Variants in ACSM2A observed in about 807,000 individuals in gnomAD.
ACSM2A encodes the protein acyl-coenzyme A synthetase ACSM2A, mitochondrial.
Under a neutral mutation model 76.6 loss-of-function variants are expected in ACSM2A, and 72 were observed. The ratio of observed to expected loss-of-function variants is 0.94; its 90% CI spans 0.78 to 1.14. The LOEUF (loss-of-function observed/expected upper bound fraction) is 1.14. Among genes scored for constraint, ACSM2A ranks in the 50% most tolerant of loss-of-function variants. ACSM2A has a pLI of 0.00. For synonymous variants in ACSM2A, 249 were observed against 255.9 expected, an observed-to-expected ratio of 0.97 and a Z score of 0.26; for missense variants, 684 against 708.5, an observed-to-expected ratio of 0.97 and a Z score of 0.39.
intron 2 of ACSM2A, among the ~76,000 whole-genome samples, 174 bp downstream of exon 2, chr16:20,460,465 G>A (rs1467882925): frequency 6.6e-6 from 1 of 152,208 alleles, no homozygotes; most frequent in Non-Finnish European, 1.5e-5. Flanking sequence ...GAGACAGCAT[G>A]AGCTTGGAAG....
In ACSM2A at chr16:20,469,607, G is replaced by T. The variant is rs767590474; in HGVS notation, c.484G>T (p.Glu162Ter). 1 of 1,613,952 alleles carries T rather than the reference G, an allele frequency of 6.2e-7. No individual in the cohort carries two copies. The highest frequency in any genetic ancestry group is 8.5e-7 in the Non-Finnish European group (1 of 1,179,852). Reference sequence around the variant, plus strand: ...GGCCAAGGCTATTGTTGCTGGGGATGAAGTCATCCAAGAAGTGGACACAGT... The same window carrying T: ...GGCCAAGGCTATTGTTGCTGGGGATTAAGTCATCCAAGAAGTGGACACAGT... ...SKAKAIVAGD[E>*]VIQEVDTVAS... Residue 162 changes from glutamate to a stop codon, truncating the protein, a stop_gained, in exon 4 of 14, where the codon GAA becomes TAA. Transcript: ENST00000573854. LOFTEE classifies it high-confidence loss of function.
intron 3 of ACSM2A, among the ~76,000 whole-genome samples, chr16:20,468,068 T>C (rs562062649): frequency 6.6e-6 from 1 of 151,942 alleles, no homozygotes; most frequent in Non-Finnish European, 1.5e-5. Flanking sequence ...CCAAACCAAC[T>C]GCAGGAACTT....
intron 13 of ACSM2A, among the ~76,000 whole-genome samples, chr16:20,483,635 A>T (rs951444410): frequency 4.0e-5 from 6 of 151,398 alleles, no homozygotes; most frequent in Non-Finnish European, 5.9e-5. Flanking sequence ...CCAGAAAGAC[A>T]ATCTAGCTTG....
chr16:20,460,543 A>G (rs371305956), intron 2 of ACSM2A, among the ~76,000 whole-genome samples: 128 of 152,180 alleles, frequency 8.4e-4, no homozygotes, highest in Admixed American at 1.5e-3. Context: ...TGTTTACACT[A>G]TATGTAGACT....
At chr16:20,466,286 T>C (rs1470253746) in intron 3 of ACSM2A, among the ~76,000 whole-genome samples, 1 of 152,128 alleles carries the variant, frequency 6.6e-6, no homozygotes, top group East Asian at 1.9e-4. Context: ...AATTAACCAA[T>C]ATGAGGAGCA....
chr16:20,471,031 C>G, intron 4 of ACSM2A, 42 bp from the exon 5 acceptor site: 1 of 1,609,620 alleles, frequency 6.2e-7, no homozygotes, highest in Non-Finnish European at 8.5e-7. Context: ...TATCTGGTGT[C>G]CAGTCTAGCT....
intron 1 of ACSM2A, among the ~76,000 whole-genome samples, chr16:20,458,896 A>G (rs1027215776): frequency 3.8e-4 from 37 of 96,268 alleles, no homozygotes; most frequent in Non-Finnish European, 4.9e-4. Context: ...TATATATTAT[A>G]TATATATGCA....
At chr16:20,461,961 A>C (rs35678742) in intron 2 of ACSM2A, among the ~76,000 whole-genome samples, 182 of 152,266 alleles carry the variant, frequency 1.2e-3, no homozygotes, top group African/African-American at 4.2e-3. Flanking sequence ...CTTAGGAATG[A>C]AATTATAGAG....
Position 20,486,682 on chromosome 16 carries a change from A to G in ACSM2A, c.*4A>G, listed in dbSNP as rs1054982. 63 of 1,613,946 alleles carry G rather than the reference A, an allele frequency of 3.9e-5. No homozygotes were observed. In the African/African-American group the frequency reaches 6.9e-4, roughly 18 times the overall value. The stretch of plus-strand genomic sequence containing the variant: ...CGGAAAAGCCCGTGCGCAGTGAGAC[A>G]TCTAAGAGACATTCATTTGGATTCC... On this transcript the variant is annotated 3_prime_UTR_variant, in exon 14 of 14. Coordinates refer to ENST00000573854, the MANE Select transcript of ACSM2A (RefSeq NM_001308172.2).
chr16:20,454,788 C>G (rs1029068097), intron 1 of ACSM2A, among the ~76,000 whole-genome samples: 2 of 151,450 alleles, frequency 1.3e-5, no homozygotes, highest in African/African-American at 4.9e-5. Flanking sequence ...ACTAGCTCAC[C>G]AGCAATGGAT....
chr16:20,476,465 G>C lies in ACSM2A; in HGVS notation c.1098+692G>C, dbSNP rs937497107. ...AATGAGTACCCTTGGAAGAACTTTT[G>C]CAGAAGGTTGACGGCAGCTCTGTGG... On this transcript the variant is annotated intron_variant, in intron 8 of 13. Transcript: ENST00000573854. 3 of 985,280 alleles carry C rather than the reference G, an allele frequency of 3.0e-6. No individual in the cohort carries two copies. In the African/African-American group the frequency reaches 5.2e-5, roughly 17 times the overall value. 61.0% of individuals were successfully genotyped at this position (985,280 alleles called of 1,614,324 possible).
At chr16:20,473,209 T>C (rs1351778366) in intron 6 of ACSM2A, among the ~76,000 whole-genome samples, 1 of 152,156 alleles carries the variant, frequency 6.6e-6, no homozygotes, top group Non-Finnish European at 1.5e-5. Flanking sequence ...AGTCAAAAAG[T>C]CAGGTGTGAT....
chr16:20,459,831 A>T (rs1392503758), intron 1 of ACSM2A, among the ~76,000 whole-genome samples: 1 of 152,160 alleles, frequency 6.6e-6, no homozygotes, highest in African/African-American at 2.4e-5. Flanking sequence ...TTTAAGCACA[A>T]GGGGATTTAT....
At chr16:20,458,470 T>C (rs1339559892) in intron 1 of ACSM2A, among the ~76,000 whole-genome samples, 1 of 145,724 alleles carries the variant, frequency 6.9e-6, no homozygotes, top group Non-Finnish European at 1.5e-5. Context: ...TATATGGATA[T>C]AGTATATGTA....
At chr16:20,485,167 A>G (rs1317254846) in intron 13 of ACSM2A, among the ~76,000 whole-genome samples, 4 of 152,218 alleles carry the variant, frequency 2.6e-5, no homozygotes, top group Non-Finnish European at 5.9e-5. Context: ...ATAAGTATTT[A>G]CAAAGGAGTT....
At chr16:20,470,680 C>T (rs1226115002) in intron 4 of ACSM2A, 4 of 400,574 alleles carry the variant, frequency 1.0e-5, no homozygotes, top group Non-Finnish European at 2.0e-5. Context: ...AATTCCACCC[C>T]TCCTGTCCAC....
chr16:20,458,932 A>ATATATG (rs1491482058), intron 1 of ACSM2A, among the ~76,000 whole-genome samples: 2 of 56,970 alleles, frequency 3.5e-5, no homozygotes, highest in African/African-American at 2.4e-4. Context: ...ATATATATAT[A>ATATATG]CATATATATA....
Position 20,483,146 on chromosome 16 carries a change from C to A in ACSM2A, c.1598C>A (p.Ser533Ter), listed in dbSNP as rs776556869. ...AAGGAGCTGCAGCAGCATGTGAAGT[C>A]AGTGACAGCCCCATACAAGTACCCA... The part of the protein sequence containing the change: ...LTKELQQHVK[S>*]VTAPYKYPRK... The change falls in exon 13 of 14, where the codon TCA (serine) becomes TAA (stop). Residue 533 changes from serine to a stop codon, truncating the protein, a stop_gained. Transcript: ENST00000573854. LOFTEE classifies it high-confidence loss of function. 6.2e-7 allele frequency: 1 copy of A among 1,614,074 alleles called. No homozygotes were observed. The highest frequency in any genetic ancestry group is 8.5e-7 in the Non-Finnish European group (1 of 1,179,976).
intron 7 of ACSM2A, 69 bp downstream of exon 7, chr16:20,475,510 G>C: frequency 6.2e-7 from 1 of 1,605,716 alleles, no homozygotes; most frequent in Non-Finnish European, 8.5e-7. Flanking sequence ...ATACATTCAT[G>C]CCTATCTATC....
Sources: allele counts gnomAD v4.1 joint callset (sites outside exome capture counted in the v4.1 genomes callset), GRCh38; gene constraint gnomAD v4.1.1; transcripts MANE v1.5; gene names NCBI Gene and HGNC (gene_info 2026-07-23, HGNC 2026-07-21).